Variants in KANK1 observed in about 807,000 individuals in gnomAD.
KANK1 encodes the protein KN motif and ankyrin repeat domains 1, also known as KN motif and ankyrin repeat domain-containing protein 1.
Under a neutral mutation model 106.2 loss-of-function variants are expected in KANK1, and 109 were observed. That is an observed-to-expected ratio of 1.03 (90% CI 0.88 to 1.20). The LOEUF (loss-of-function observed/expected upper bound fraction) is 1.20. KANK1 is among the 50% of genes most tolerant of loss of function. The pLI is 0.00. For missense variants in KANK1, 2,399 were observed against 1,710.7 expected (o/e 1.40, Z -7.10); for synonymous variants, 873 against 652.2 (o/e 1.34, Z -5.16).
intron 1 of KANK1, among the ~76,000 whole-genome samples, chr9:550,954 T>C (rs1158962756): frequency 6.6e-6 from 1 of 152,136 alleles, no homozygotes; most frequent in East Asian, 1.9e-4. Context: ...CCAGCCCTCT[T>C]TCTGCTGTAT....
chr9:611,904 G>C (rs1353876046), intron 1 of KANK1, among the ~76,000 whole-genome samples: 1 of 152,108 alleles, frequency 6.6e-6, no homozygotes, highest in East Asian at 1.9e-4. Flanking sequence ...ATGTTTAGTA[G>C]AGATGGGGTT....
intron 1 of KANK1, among the ~76,000 whole-genome samples, chr9:518,513 C>G (rs1277852909): frequency 6.6e-6 from 1 of 151,648 alleles, no homozygotes; most frequent in Non-Finnish European, 1.5e-5. Flanking sequence ...AGCATGGGTT[C>G]TAGAATCGAA....
At chr9:664,235 T>C (rs1302763164) in intron 1 of KANK1, among the ~76,000 whole-genome samples, 1 of 152,126 alleles carries the variant, frequency 6.6e-6, no homozygotes, top group Non-Finnish European at 1.5e-5. Context: ...CCCACTACCC[T>C]TCCCAGCCTC....
intron 1 of KANK1, among the ~76,000 whole-genome samples, chr9:574,513 C>G (rs1056895955): frequency 2.7e-5 from 4 of 150,922 alleles, no homozygotes; most frequent in African/African-American, 9.7e-5. Context: ...AGCAGCTGTA[C>G]CACTCTGTTC....
intron 1 of KANK1, among the ~76,000 whole-genome samples, chr9:646,171 A>C (rs1839630048): frequency 6.6e-6 from 1 of 150,766 alleles, no homozygotes. Flanking sequence ...ACCAGACACC[A>C]CAAGGAAATA....
Position 657,859 on chromosome 9 carries a change from G to A in KANK1, c.-83-19031G>A, listed in dbSNP as rs543862255. Among the ~76,000 whole-genome samples the A allele has an allele frequency of 2.0e-5, 3 of 152,026 alleles. No homozygotes were observed. The South Asian group carries it at 6.3e-4, about 32-fold the overall frequency. On this transcript the variant is annotated intron_variant, in intron 1 of 11. Coordinates refer to ENST00000382297, the MANE Select transcript of KANK1 (RefSeq NM_015158.5). ...AGAAAATATGGGAAATTTCCATTTG[G>A]CATGAGCCTTTCTGTTTTCTTGGTG...
chr9:597,022 C>G (rs1401582234), intron 1 of KANK1, among the ~76,000 whole-genome samples: 1 of 151,888 alleles, frequency 6.6e-6, no homozygotes, highest in Admixed American at 6.5e-5. Flanking sequence ...TTGTGTCTGG[C>G]TTCTTTCACT....
chr9:668,887 A>C (rs7035770), intron 1 of KANK1, among the ~76,000 whole-genome samples: 87,698 of 151,636 alleles, frequency 0.58, 25,701 homozygotes, highest in Admixed American at 0.67. Flanking sequence ...GATCCTTCGC[A>C]CTTGCAGTTC....
At chr9:610,682 TAAGAG>T (rs1053976887) in intron 1 of KANK1, among the ~76,000 whole-genome samples, 1 of 152,188 alleles carries the variant, frequency 6.6e-6, no homozygotes, top group African/African-American at 2.4e-5. Flanking sequence ...TCCTTGTAGA[TAAGAG>T]AAGAATTGTA....
At chr9:503,001 ATTTTTTTTTT>A (rs35195436), upstream of KANK1, among the ~76,000 whole-genome samples, 836 of 70,282 alleles carry the variant, frequency 0.012, 5 homozygotes, top group South Asian at 0.035. Context: ...CGCCCAGCTG[ATTTTTTTTTT>A]TTTTTTTTTT....
intron 1 of KANK1, among the ~76,000 whole-genome samples, chr9:552,055 A>G (rs2061317424): frequency 6.6e-6 from 1 of 152,262 alleles, no homozygotes; most frequent in African/African-American, 2.4e-5. Context: ...CTGTCTCAAA[A>G]AAACAAAAAT....
At chr9:578,370 T>A (rs934559422) in intron 1 of KANK1, among the ~76,000 whole-genome samples, 5 of 152,028 alleles carry the variant, frequency 3.3e-5, no homozygotes, top group African/African-American at 1.2e-4. Flanking sequence ...TGCTAAGCCA[T>A]GGAGGGTAAA....
intron 3 of KANK1, among the ~76,000 whole-genome samples, chr9:481,629 G>A (rs770641273): frequency 1.3e-5 from 2 of 152,112 alleles, no homozygotes; most frequent in East Asian, 3.9e-4. Flanking sequence ...CGGCTCATTA[G>A]GAAGCATTTC....
intron 7 of KANK1, among the ~76,000 whole-genome samples, chr9:737,176 T>G (rs1834019389): frequency 6.6e-6 from 1 of 152,282 alleles, no homozygotes; most frequent in South Asian, 2.1e-4. Flanking sequence ...ATAATTTCCC[T>G]TCTTTCAGTG....
chr9:593,626 C>A (rs984652014), intron 1 of KANK1, among the ~76,000 whole-genome samples: 1 of 151,710 alleles, frequency 6.6e-6, no homozygotes, highest in East Asian at 1.9e-4. Context: ...AACACGAAGA[C>A]CTGATTTGTT....
At chr9:572,316 C>T (rs1031784301) in intron 1 of KANK1, among the ~76,000 whole-genome samples, 1 of 151,942 alleles carries the variant, frequency 6.6e-6, no homozygotes, top group Non-Finnish European at 1.5e-5. Context: ...CTGCCATACC[C>T]AGCTATTTCG....
At chr9:719,256 C>T (rs1045525448) in intron 3 of KANK1, among the ~76,000 whole-genome samples, 6 of 152,124 alleles carry the variant, frequency 3.9e-5, no homozygotes, top group Admixed American at 6.5e-5. Flanking sequence ...CGTGAGCCAG[C>T]GCGCCCGGCC....
intron 1 of KANK1, among the ~76,000 whole-genome samples, chr9:566,051 G>T (rs1817724064): frequency 6.6e-6 from 1 of 152,148 alleles, no homozygotes. Context: ...AGTGTCTGTT[G>T]TTGTCCTCTA....
Position 488,666 on chromosome 9 carries a change from G to A in KANK1, c.-362+15393G>A, listed in dbSNP as rs1469803143. 2.0e-5 allele frequency among the ~76,000 whole-genome samples: 3 copies of A among 152,328 alleles called. 1 individual carries two copies. The highest frequency in any genetic ancestry group is 6.8e-3 in the Middle Eastern group (2 of 294). On this transcript the variant is annotated intron_variant, in intron 3 of 15. Transcript: ENST00000382303. ...ATCAAAAATGCTGCATACAGACAGT[G>A]TAAACTGTGACTGTCTTGTAAGAGT...
Sources: gnomAD v4.1 joint callset for allele counts (sites outside exome capture counted in the v4.1 genomes callset) on GRCh38, gnomAD v4.1.1 for gene constraint, MANE v1.5 for transcripts, NCBI Gene and HGNC (gene_info 2026-07-23, HGNC 2026-07-21) for gene names.